XIRP2: variants seen among roughly 807,000 people sequenced by gnomAD.
XIRP2 encodes xin actin binding repeat containing 2.
In XIRP2, 236 loss-of-function variants were observed where a neutral mutation model predicts 277.0. The ratio of observed to expected loss-of-function variants is 0.85; its 90% CI spans 0.77 to 0.95. XIRP2 has a LOEUF of 0.95. XIRP2 is among the 40% of genes least tolerant of loss of function. XIRP2 has a pLI of 0.00. For synonymous variants in XIRP2, 1,490 were observed against 1,416.5 expected (o/e 1.05, Z -1.17); for missense variants, 4,640 against 4,157.5 (o/e 1.12, Z -3.19).
At chr2:166,976,425 G>A (rs1036284393) in intron 2 of XIRP2, among the ~76,000 whole-genome samples, 12 of 152,156 alleles carry the variant, frequency 7.9e-5, no homozygotes, top group African/African-American at 1.7e-4. Context: ...TATAATAAAT[G>A]TTTTCTATTA....
chr2:167,058,824 G>T (rs972723517), intron 2 of XIRP2, among the ~76,000 whole-genome samples: 1 of 152,134 alleles, frequency 6.6e-6, no homozygotes, highest in African/African-American at 2.4e-5. Flanking sequence ...AATATCAACA[G>T]GTGTGACTTG....
At position 167,248,183 on chromosome 2, in the gene XIRP2, A is replaced by G. The variant is rs956406079; in HGVS notation, c.6791A>G (p.Lys2264Arg). Residue 2264 changes from lysine (K) to arginine (R), a missense_variant, in exon 9 of 11, where the codon AAA becomes AGA. Coordinates refer to ENST00000409195, the MANE Select transcript of XIRP2 (RefSeq NM_152381.6). The part of the protein sequence containing the change: ...LMKTNTSTGL[K>R]MAMERSLNPI... ...AAAACAAATACTTCCACAGGCTTAA[A>G]AATGGCAATGGAAAGGTCCTTGAAT... 13 of 1,613,672 alleles carry G rather than the reference A, an allele frequency of 8.1e-6. No individual in the cohort carries two copies. Among genetic ancestry groups the G allele is most frequent in the African/African-American group, 1.3e-5 (1 of 74,878 alleles).
chr2:166,949,610 A>G (rs1685974550), intron 2 of XIRP2, among the ~76,000 whole-genome samples: 1 of 152,034 alleles, frequency 6.6e-6, no homozygotes, highest in African/African-American at 2.4e-5. Context: ...TGCTCTTTTT[A>G]TGAACCATGT....
chr2:167,219,283 A>C (rs1373591475), intron 5 of XIRP2, among the ~76,000 whole-genome samples: 1 of 152,270 alleles, frequency 6.6e-6, no homozygotes, highest in Non-Finnish European at 1.5e-5. Context: ...TACCTAAAGG[A>C]AACTTAATAT....
At chr2:166,908,052 GT>G (rs2105341768) in intron 2 of XIRP2, among the ~76,000 whole-genome samples, 1 of 152,104 alleles carries the variant, frequency 6.6e-6, no homozygotes, top group Non-Finnish European at 1.5e-5. Flanking sequence ...CTTTGCTATT[GT>G]GAATAGTGCC....
At chr2:166,977,176 G>A (rs1261756532) in intron 2 of XIRP2, among the ~76,000 whole-genome samples, 1 of 151,966 alleles carries the variant, frequency 6.6e-6, no homozygotes, top group East Asian at 1.9e-4. Context: ...GTTTGGCCAT[G>A]ATGTACTTAG....
At chr2:167,134,496 A>G (rs1691484600) in intron 2 of XIRP2, among the ~76,000 whole-genome samples, 1 of 152,060 alleles carries the variant, frequency 6.6e-6, no homozygotes, top group South Asian at 2.1e-4. Flanking sequence ...TGACTCACTC[A>G]TGTCTGTGTA....
intron 5 of XIRP2, among the ~76,000 whole-genome samples, chr2:167,230,782 G>A (rs956541979): frequency 6.6e-6 from 1 of 151,980 alleles, no homozygotes. Context: ...CTTTTCCTGA[G>A]ACTTAACAAC....
In XIRP2 at chr2:167,171,996, C is replaced by T. The variant is rs560508361; in HGVS notation, c.562+35934C>T. ...CATGAAATATTTTGGTACAGGCATG[C>T]GATGCGTAGTAATCACATCATGGAA... On this transcript the variant is annotated intron_variant, in intron 3 of 10. Transcript: ENST00000409195. Among the ~76,000 whole-genome samples the T allele has an allele frequency of 5.9e-5, 9 of 152,172 alleles. No individual in the cohort carries two copies. The South Asian group carries it at 6.2e-4, about 11-fold the overall frequency.
At chr2:167,027,039 G>C (rs1688181939) in intron 2 of XIRP2, among the ~76,000 whole-genome samples, 1 of 152,050 alleles carries the variant, frequency 6.6e-6, no homozygotes, top group Non-Finnish European at 1.5e-5. Flanking sequence ...TCCTGAATGT[G>C]AATGTTGGCC....
intron 2 of XIRP2, among the ~76,000 whole-genome samples, chr2:167,037,590 T>G (rs1176186051): frequency 1.3e-5 from 2 of 151,290 alleles, no homozygotes; most frequent in East Asian, 2.0e-4. Context: ...AGCAGGAAAT[T>G]TTTTGCTGCT....
chr2:167,071,395 GA>G (rs1466803675), intron 2 of XIRP2, among the ~76,000 whole-genome samples: 2 of 152,108 alleles, frequency 1.3e-5, no homozygotes, highest in African/African-American at 4.8e-5. Flanking sequence ...ACAAATATAA[GA>G]AAAGCCTAAG....
intron 2 of XIRP2, among the ~76,000 whole-genome samples, chr2:167,085,037 G>T (rs1461406018): frequency 3.1e-5 from 3 of 97,240 alleles, no homozygotes; most frequent in South Asian, 3.2e-4. Flanking sequence ...GTGATGGTAG[G>T]GTGTCAATTT....
intron 2 of XIRP2, among the ~76,000 whole-genome samples, chr2:166,977,681 T>TTAGA (rs1321455585): frequency 6.6e-6 from 1 of 152,106 alleles, no homozygotes; most frequent in Non-Finnish European, 1.5e-5. Flanking sequence ...TTCTGAGGCA[T>TTAGA]TAGAGTTCAG....
intron 2 of XIRP2, among the ~76,000 whole-genome samples, chr2:166,911,304 G>C (rs193035448): frequency 1.3e-5 from 2 of 152,254 alleles, no homozygotes; most frequent in African/African-American, 4.8e-5. Flanking sequence ...CTCCTGTATT[G>C]GGTGCATATA....
At position 166,898,239 on chromosome 2, in the gene XIRP2, T is replaced by G. The variant is rs147032515; in HGVS notation, c.-18-5226T>G. 2.4e-3 allele frequency among the ~76,000 whole-genome samples: 359 copies of G among 152,252 alleles called. 3 individuals are homozygous for G. The highest frequency in any genetic ancestry group is 7.8e-3 in the African/African-American group (324 of 41,572). On this transcript the variant is annotated intron_variant, in intron 1 of 10. Coordinates refer to ENST00000409195, the MANE Select transcript of XIRP2 (RefSeq NM_152381.6). The stretch of plus-strand genomic sequence containing the variant: ...CATTGTGCTCACATTAAATTAGAAG[T>G]GCTTAAAGGGATTCAGCTATTTATC...
At chr2:166,908,421 AAGTGCCTGTT>A (rs1200915314) in intron 2 of XIRP2, among the ~76,000 whole-genome samples, 12 of 152,114 alleles carry the variant, frequency 7.9e-5, no homozygotes, top group African/African-American at 2.9e-4. Context: ...TTCTTTTGAG[AAGTGCCTGTT>A]CATATCCTTC....
chr2:167,075,711 C>T lies in XIRP2; in HGVS notation c.409-60198C>T, dbSNP rs897404535. On this transcript the variant is annotated intron_variant, in intron 2 of 10. Coordinates refer to ENST00000409195, the MANE Select transcript of XIRP2 (RefSeq NM_152381.6). ...GGCTGGAGGGCAATGGCGTGATCTC[C>T]GCTCACTGCAACCTCTGCCTCCCAG... Among the ~76,000 whole-genome samples, 5 of 151,984 alleles carry T rather than the reference C, an allele frequency of 3.3e-5. No individual in the cohort carries two copies. The South Asian group carries it at 6.2e-4, about 19-fold the overall frequency.
intron 5 of XIRP2, among the ~76,000 whole-genome samples, chr2:167,221,039 T>G (rs780281058): frequency 6.6e-6 from 1 of 152,066 alleles, no homozygotes; most frequent in East Asian, 1.9e-4. Context: ...ATCCGATAAT[T>G]CCATGAGGAT....
Sources: gnomAD v4.1 joint callset for allele counts (sites outside exome capture counted in the v4.1 genomes callset) on GRCh38, gnomAD v4.1.1 for gene constraint, MANE v1.5 for transcripts, NCBI Gene and HGNC (gene_info 2026-07-23, HGNC 2026-07-21) for gene names.